JUP: variants seen among roughly 807,000 people sequenced by gnomAD.
JUP encodes catenin (cadherin-associated protein), gamma 80kDa.
JUP carries 28 observed loss-of-function variants against 71.1 expected under a neutral mutation model. The ratio of observed to expected loss-of-function variants is 0.39; its 90% CI spans 0.29 to 0.54. The LOEUF is 0.54. Among genes scored for constraint, JUP ranks in the 20% least tolerant of loss-of-function variants. The pLI, the probability that JUP is intolerant of heterozygous loss-of-function variation, is 0.62. For synonymous variants in JUP, 401 were observed against 438.9 expected, an observed-to-expected ratio of 0.91 and a Z score of 1.08; for missense variants, 869 against 1,030.1, an observed-to-expected ratio of 0.84 and a Z score of 2.14.
rs968249291 is a variant in JUP, at chr17:41,786,674, G to A, written c.-95C>T. 2.6e-5 allele frequency: 4 copies of A among 152,614 alleles called. No homozygotes were observed. The highest frequency in any genetic ancestry group is 7.2e-5 in the African/African-American group (3 of 41,482). The allele number at this position is 152,614 out of a possible 1,614,324, so 9.5% of individuals were successfully genotyped here. A position where few individuals can be genotyped will look rare whatever the true frequency, so the allele number is the denominator to read the frequency against. ...AGCGAACTGAGCTCGGCGTGGTCGG[G>A]CGGCGGCTGCTCCGGACTCTGGCCA... On this transcript the variant is annotated 5_prime_UTR_variant, in exon 1 of 14. Transcript: ENST00000393931.
chr17:41,778,766 C>G (rs546031814), intron 1 of JUP, among the ~76,000 whole-genome samples: 2 of 151,688 alleles, frequency 1.3e-5, no homozygotes, highest in African/African-American at 4.8e-5. Context: ...AAAAAATTAG[C>G]CGGGCGTGTT....
chr17:41,756,007 A>C (rs1597773678), intron 13 of JUP, 112 bp from the exon 14 acceptor site: 2 of 1,373,290 alleles, frequency 1.5e-6, no homozygotes, highest in South Asian at 2.5e-5. Context: ...GGTGGGCCTG[A>C]CCCCTCCCCA....
At chr17:41,762,664 G>A (rs574272796) in intron 8 of JUP, among the ~76,000 whole-genome samples, 4 of 152,256 alleles carry the variant, frequency 2.6e-5, no homozygotes, top group African/African-American at 9.6e-5. Flanking sequence ...GCCTCCCAAA[G>A]TGTTGGGATT....
At chr17:41,785,474 C>T (rs1168509495) in intron 1 of JUP, among the ~76,000 whole-genome samples, 3 of 152,116 alleles carry the variant, frequency 2.0e-5, no homozygotes, top group Admixed American at 6.5e-5. Context: ...GCCCCTACCT[C>T]AGGCCCCTGG....
chr17:41,783,299 T>G (rs1198602039), intron 1 of JUP, among the ~76,000 whole-genome samples: 2 of 150,364 alleles, frequency 1.3e-5, no homozygotes, highest in East Asian at 2.0e-4. Flanking sequence ...TTTTTGTTTT[T>G]TTTTTTTTTT....
At position 41,764,636 on chromosome 17, in the gene JUP, C is replaced by T. The variant is rs1289940675; in HGVS notation, c.1158+77G>A. The stretch of plus-strand genomic sequence containing the variant: ...AGAGCCCCCAGTCCTCCCACAGTAC[C>T]TCAGGTCAGATGCCCAGACAGGAGG... On this transcript the variant is annotated intron_variant, in intron 7 of 13. Coordinates refer to ENST00000393931, the MANE Select transcript of JUP (RefSeq NM_002230.4). 1.4e-5 allele frequency: 16 copies of T among 1,167,166 alleles called. No individual in the cohort carries two copies. The African/African-American group carries it at 1.8e-4, about 13-fold the overall frequency. The allele number at this position is 1,167,166 out of a possible 1,614,324, so 72.3% of individuals were successfully genotyped here.
intron 1 of JUP, among the ~76,000 whole-genome samples, chr17:41,785,650 A>C (rs1226924832): frequency 6.6e-6 from 1 of 152,172 alleles, no homozygotes; most frequent in East Asian, 1.9e-4. Flanking sequence ...CCCCCAGATA[A>C]AGCTGCTGTG....
intron 1 of JUP, among the ~76,000 whole-genome samples, chr17:41,776,649 C>G (rs1420774864): frequency 6.6e-6 from 1 of 152,178 alleles, no homozygotes; most frequent in Non-Finnish European, 1.5e-5. Flanking sequence ...GTGATTGAGG[C>G]TGCAGTGAGC....
At position 41,764,708 on chromosome 17, in the gene JUP, C is replaced by T; in HGVS notation, c.1158+5G>A. On this transcript the variant is annotated splice_donor_5th_base_variant and intron_variant, in intron 7 of 13. Coordinates refer to ENST00000393931, the MANE Select transcript of JUP (RefSeq NM_002230.4). ...GTCAACCCCAGGCCCAGATACCTCC[C>T]TCACCTGCTTGGTGGCCACATCTGA... 6.2e-7 allele frequency: 1 copy of T among 1,611,966 alleles called. No individual in the cohort carries two copies. The highest frequency in any genetic ancestry group is 8.5e-7 in the Non-Finnish European group (1 of 1,179,480).
chr17:41,775,570 G>A (rs1282403455), intron 1 of JUP, among the ~76,000 whole-genome samples: 1 of 152,246 alleles, frequency 6.6e-6, no homozygotes, highest in Non-Finnish European at 1.5e-5. Context: ...GAGCCAGGGT[G>A]GAAGCGAGAG....
rs536517614 is a variant in JUP at position 41,765,223 on chromosome 17, T to C, written c.910-156A>G. Among the ~76,000 whole-genome samples, 5 of 152,260 alleles carry C rather than the reference T, an allele frequency of 3.3e-5. No homozygotes were observed. In the South Asian group the frequency reaches 6.2e-4, roughly 19 times the overall value. ...ATGTATTTTTTTCTTTTTATAAAGA[T>C]GGGGGTCTCACTATGCTGCCCAGGC... On this transcript the variant is annotated intron_variant, in intron 5 of 13. Coordinates refer to ENST00000393931, the MANE Select transcript of JUP (RefSeq NM_002230.4).
rs1555598908 is a variant in JUP at position 41,757,677 on chromosome 17, C to T, written c.1881G>A (p.Ser627=). The change falls in exon 11 of 14, where the codon TCG becomes TCA. Residue 627 remains serine, a synonymous_variant. Coordinates refer to ENST00000393931, the MANE Select transcript of JUP (RefSeq NM_002230.4). Reference sequence around the variant, plus strand: ...AGTGCAGCAACTCCATGAGTGGGGCCGAGGCCCCCTCTGCATCAATGGCGT... The same window carrying T: ...AGTGCAGCAACTCCATGAGTGGGGCTGAGGCCCCCTCTGCATCAATGGCGT... ...AADAIDAEGA[S]APLMELLHSR... is the part of the protein sequence containing the mutation. 16 of 1,613,448 alleles carry T rather than the reference C, an allele frequency of 9.9e-6. No individual in the cohort carries two copies. The highest frequency in any genetic ancestry group is 5.5e-5 in the South Asian group (5 of 91,034).
chr17:41,761,256 G>A (rs1914761951), intron 8 of JUP, among the ~76,000 whole-genome samples: 1 of 152,190 alleles, frequency 6.6e-6, no homozygotes, highest in South Asian at 2.1e-4. Flanking sequence ...CTGATTTTCA[G>A]CAGGACACAC....
In JUP at chr17:41,763,114, C is replaced by A; in HGVS notation, c.1366G>T (p.Val456Phe). Residue 456 changes from valine (V) to phenylalanine (F), a missense_variant, in exon 8 of 14, where the codon GTC becomes TTC. Physicochemically the swap from Val to Phe is conservative, Grantham distance 50. Coordinates refer to ENST00000393931, the MANE Select transcript of JUP (RefSeq NM_002230.4). ...GDKDDITEPA[V>F]CALRHLTSRH... ...CTAGTGAGGTGGCGCAGAGCGCAGA[C>A]GGCAGGCTCCGTGATGTCGTCCTTG... 1 of 1,614,196 alleles carries A rather than the reference C, an allele frequency of 6.2e-7. No homozygotes were observed. Among genetic ancestry groups the A allele is most frequent in the Non-Finnish European group, 8.5e-7 (1 of 1,180,026 alleles).
rs573408316 is a variant in JUP, at chr17:41,773,641, A to G, written c.-8-1779T>C. Reference sequence around the variant, plus strand: ...CACCCCTTCCCCACACCCCTTCCCCAGCAACAGAGGGGAATGGCCACTGGC... The same window carrying G: ...CACCCCTTCCCCACACCCCTTCCCCGGCAACAGAGGGGAATGGCCACTGGC... On this transcript the variant is annotated intron_variant, in intron 1 of 13. Coordinates refer to ENST00000393931, the MANE Select transcript of JUP (RefSeq NM_002230.4). 1.8e-3 allele frequency among the ~76,000 whole-genome samples: 273 copies of G among 150,530 alleles called. 2 individuals carry two copies. Among genetic ancestry groups the G allele is most frequent in the African/African-American group, 6.3e-3 (258 of 41,238 alleles).
At chr17:41,758,539 G>C (rs782479356) in intron 9 of JUP, 21 bp from the exon 10 acceptor site, 1 of 1,603,594 alleles carries the variant, frequency 6.2e-7, no homozygotes, top group Admixed American at 1.7e-5. Flanking sequence ...GGAGGCAGGG[G>C]GCATGGGACA....
intron 10 of JUP, 54 bp downstream of exon 10, chr17:41,758,345 T>C: frequency 6.2e-7 from 1 of 1,610,116 alleles, no homozygotes. Context: ...CTCCTAACCT[T>C]GCCCTTTAAG....
chr17:41,784,108 C>G (rs1162860397), intron 1 of JUP, among the ~76,000 whole-genome samples: 1 of 152,156 alleles, frequency 6.6e-6, no homozygotes, highest in Non-Finnish European at 1.5e-5. Context: ...AACTGCCCCA[C>G]TGTCCCATCT....
chr17:41,783,892 T>TC (rs2047309308), intron 1 of JUP, among the ~76,000 whole-genome samples: 1 of 44,940 alleles, frequency 2.2e-5, no homozygotes, highest in South Asian at 7.2e-4. Context: ...AGACTCCATC[T>TC]CAAAAAAAAA....
Sources: allele counts gnomAD v4.1 joint callset (sites outside exome capture counted in the v4.1 genomes callset), GRCh38; gene constraint gnomAD v4.1.1; transcripts MANE v1.5; gene names NCBI Gene and HGNC (gene_info 2026-07-23, HGNC 2026-07-21).